Variants in RPN1 observed in about 807,000 individuals in gnomAD.
The protein encoded by RPN1 is ribophorin I.
Under a neutral mutation model 55.5 loss-of-function variants are expected in RPN1, and 12 were observed. The ratio of observed to expected loss-of-function variants is 0.22; its 90% CI spans 0.14 to 0.35. The LOEUF is 0.35. Among genes scored for constraint, RPN1 ranks in the 10% least tolerant of loss-of-function variants. The pLI is 1.00. For synonymous variants in RPN1, 317 were observed against 305.9 expected (o/e 1.04, Z -0.38); for missense variants, 679 against 761.3 (o/e 0.89, Z 1.27).
chr3:128,639,097 G>A (rs1295532252), intron 2 of RPN1, among the ~76,000 whole-genome samples: 1 of 152,186 alleles, frequency 6.6e-6, no homozygotes, highest in East Asian at 1.9e-4. Context: ...ATGGAAAGAT[G>A]TCCATGTACA....
In RPN1 at chr3:128,620,522, G is replaced by A. The variant is rs2069551487; in HGVS notation, c.1713C>T (p.Arg571=). 6.2e-7 allele frequency: 1 copy of A among 1,614,066 alleles called. No individual in the cohort carries two copies. The highest frequency in any genetic ancestry group is 8.5e-7 in the Non-Finnish European group (1 of 1,179,988). The part of the protein sequence containing the change: ...LVLKSAVEAE[R]LVAGKLKKDT... ...CTTTCTTGAGCTTGCCAGCCACCAG[G>A]CGCTCAGCCTCCACCGCCGACTTCA... Residue 571 remains arginine (R), a synonymous_variant, in exon 10 of 10, where the codon CGC becomes CGT. Coordinates refer to ENST00000296255, the MANE Select transcript of RPN1 (RefSeq NM_002950.4).
In RPN1 at chr3:128,631,434, C is replaced by T. The variant is rs560054962; in HGVS notation, c.843+514G>A. Among the ~76,000 whole-genome samples the T allele has an allele frequency of 1.9e-4, 28 of 150,020 alleles. 2 individuals carry two copies. In the South Asian group the frequency reaches 5.7e-3, roughly 31 times the overall value. On this transcript the variant is annotated intron_variant, in intron 4 of 9. Transcript: ENST00000296255. ...CGGAGGTTGTGGCGAGCCGAGATCG[C>T]GCCATTGCCCTCCAGCCTGGGCAAC...
At chr3:128,627,931 TG>T in intron 5 of RPN1, among the ~76,000 whole-genome samples, 1 of 32,874 alleles carries the variant, frequency 3.0e-5, no homozygotes, top group African/African-American at 1.1e-4. Flanking sequence ...AATAAAATCA[TG>T]TAAGTCATGC....
chr3:128,642,028 G>T (rs887457861), intron 2 of RPN1, among the ~76,000 whole-genome samples: 1 of 152,136 alleles, frequency 6.6e-6, no homozygotes, highest in Non-Finnish European at 1.5e-5. Context: ...AGGCAGTAAA[G>T]ATGCAAAAAG....
chr3:128,621,969 C>A (rs1325121372), intron 9 of RPN1, among the ~76,000 whole-genome samples, 195 bp downstream of exon 9: 1 of 152,234 alleles, frequency 6.6e-6, no homozygotes, highest in African/African-American at 2.4e-5. Flanking sequence ...TTCCTCCACA[C>A]CCAGCTCACA....
chr3:128,645,715 G>A (rs1054728029), intron 1 of RPN1, among the ~76,000 whole-genome samples: 1 of 152,070 alleles, frequency 6.6e-6, no homozygotes, highest in Non-Finnish European at 1.5e-5. Context: ...TACTAGGGAG[G>A]CTGAGGCAGA....
intron 3 of RPN1, among the ~76,000 whole-genome samples, chr3:128,633,400 G>T (rs2069655047): frequency 6.6e-6 from 1 of 151,668 alleles, no homozygotes; most frequent in African/African-American, 2.4e-5. Context: ...CTAATTTTTT[G>T]TATTTTTTGT....
chr3:128,622,438 C>T lies in RPN1; in HGVS notation c.1396-29G>A, dbSNP rs745380126. 1.3e-5 allele frequency: 21 copies of T among 1,612,878 alleles called. 1 individual carries two copies. The South Asian group carries it at 1.5e-4, about 12-fold the overall frequency. On this transcript the variant is annotated intron_variant, in intron 8 of 9. Coordinates refer to ENST00000296255, the MANE Select transcript of RPN1 (RefSeq NM_002950.4). ...AAGGAAGGAGAGGCACCATGTGTGA[C>T]AACATCCAGGCTTGGGTCCACTCTG...
At position 128,622,167 on chromosome 3, in the gene RPN1, G is replaced by A. The variant is rs1346628208; in HGVS notation, c.1638C>T (p.Asp546=). 1 of 1,614,014 alleles carries A rather than the reference G, an allele frequency of 6.2e-7. No individual in the cohort carries two copies. Among genetic ancestry groups the A allele is most frequent in the African/African-American group, 1.3e-5 (1 of 74,952 alleles). The part of the protein sequence containing the change: ...RLKTEGSDLC[D]RVSEMQKLDA... ...CTCTGTGACGCCCGACACTTACTCT[G>A]TCGCACAGATCAGAGCCCTCTGTCT... Residue 546 remains aspartate, a synonymous_variant, in exon 9 of 10, where the codon GAC becomes GAT. Transcript: ENST00000296255.
intron 3 of RPN1, 70 bp downstream of exon 3, chr3:128,637,729 C>A (rs755808920): frequency 2.1e-4 from 317 of 1,500,570 alleles, no homozygotes; most frequent in Non-Finnish European, 2.7e-4. Flanking sequence ...CCAAGCCTAT[C>A]AACCAGTAGT....
intron 1 of RPN1, among the ~76,000 whole-genome samples, chr3:128,648,430 A>G (rs1471383399): frequency 6.6e-6 from 1 of 151,866 alleles, no homozygotes; most frequent in Admixed American, 6.6e-5. Flanking sequence ...GCGTGGTGGC[A>G]TGCACCTGTA....
At chr3:128,625,692 G>C in intron 7 of RPN1, 39 bp from the exon 8 acceptor site, 1 of 1,612,922 alleles carries the variant, frequency 6.2e-7, no homozygotes, top group South Asian at 1.1e-5. Context: ...CGGGGCTGTA[G>C]GGACATGGGA....
chr3:128,620,661 T>C, intron 9 of RPN1, 68 bp from the exon 10 acceptor site: 10 of 1,516,042 alleles, frequency 6.6e-6, no homozygotes, highest in Non-Finnish European at 9.0e-6. Flanking sequence ...GGCCCCACCA[T>C]CTCCCAGGCC....
In RPN1 at chr3:128,625,992, G is replaced by T. The variant is rs749479360; in HGVS notation, c.1157C>A (p.Pro386His). ...EGAKNIEIDS[P>H]YEISRAPDEL... ...ATCTGGGGCACGGCTGATTTCATAG[G>T]GACTATCAATTTCAATGTTCCTGGA... The change falls in exon 7 of 10, where the codon CCC (proline) becomes CAC (histidine). Residue 386 changes from proline (P) to histidine (H), a missense_variant. By Grantham distance (77) the Pro-to-His change is moderately conservative. This residue lies in a region of RPN1 where 306 missense variants were observed against 360.0 expected (regional missense o/e 0.85). Coordinates refer to ENST00000296255, the MANE Select transcript of RPN1 (RefSeq NM_002950.4). The T allele has an allele frequency of 1.2e-6, 2 of 1,605,646 alleles. No individual in the cohort carries two copies. The highest frequency in any genetic ancestry group is 2.2e-5 in the South Asian group (2 of 89,694).
Position 128,633,856 on chromosome 3 carries a change from G to A in RPN1, c.634-1699C>T, listed in dbSNP as rs949994041. Among the ~76,000 whole-genome samples, 14 of 151,868 alleles carry A rather than the reference G, an allele frequency of 9.2e-5. 2 individuals carry two copies. The highest frequency in any genetic ancestry group is 3.9e-4 in the East Asian group (2 of 5,132). On this transcript the variant is annotated intron_variant, in intron 3 of 9. Coordinates refer to ENST00000296255, the MANE Select transcript of RPN1 (RefSeq NM_002950.4). ...AAATTAGCCAGGTGTGGTGATGGGC[G>A]CCTGTAGTCCCAGATACTAAGGAGG...
At position 128,625,883 on chromosome 3, in the gene RPN1, C is replaced by T. The variant is rs147813680; in HGVS notation, c.1266G>A (p.Gln422=). The T allele has an allele frequency of 7.8e-5, 126 of 1,611,472 alleles. No individual in the cohort carries two copies. The Middle Eastern group carries it at 1.2e-3, about 15-fold the overall frequency. The change falls in exon 7 of 10, where the codon CAG becomes CAA. Residue 422 remains glutamine (Q), a synonymous_variant. Coordinates refer to ENST00000296255, the MANE Select transcript of RPN1 (RefSeq NM_002950.4). ...YKKNLVEQHI[Q]DIVVHYTFNK... ...CAGTGGAGCCACTCACCACAATGTC[C>T]TGAATGTGCTGTTCTACCAGATTTT...
chr3:128,624,187 T>C (rs543103436), intron 8 of RPN1, among the ~76,000 whole-genome samples: 24 of 152,304 alleles, frequency 1.6e-4, no homozygotes, highest in African/African-American at 5.3e-4. Context: ...CTATCTGCAT[T>C]TGATTATAAA....
intron 8 of RPN1, among the ~76,000 whole-genome samples, chr3:128,622,833 G>A (rs1414718360): frequency 6.6e-6 from 1 of 151,080 alleles, no homozygotes; most frequent in African/African-American, 2.4e-5. Flanking sequence ...GGAGGCGGAG[G>A]TTGCAGTGAG....
At chr3:128,646,230 A>AC (rs1182025068) in intron 1 of RPN1, among the ~76,000 whole-genome samples, 1 of 151,646 alleles carries the variant, frequency 6.6e-6, no homozygotes, top group Admixed American at 6.6e-5. Context: ...CTCAAAAAAA[A>AC]AAAAAAAAAA....
Sources: allele counts gnomAD v4.1 joint callset (sites outside exome capture counted in the v4.1 genomes callset), GRCh38; gene constraint gnomAD v4.1.1; regional missense constraint gnomAD v4.1.1; transcripts MANE v1.5; gene names NCBI Gene and HGNC (gene_info 2026-07-23, HGNC 2026-07-21).